KIRREL3: variants seen among roughly 807,000 people sequenced by gnomAD.
KIRREL3 encodes the protein kin of IRRE-like protein 3.
In KIRREL3, 36 loss-of-function variants were observed where a neutral mutation model predicts 89.7. The observed-to-expected ratio is 0.40, with a 90% confidence interval of 0.31 to 0.53. KIRREL3 has a LOEUF of 0.53. KIRREL3 is among the 20% of genes least tolerant of loss of function. The probability of loss-of-function intolerance (pLI) is 0.49; values close to 1 mark genes in which losing one functional copy is unlikely to be tolerated. For missense variants in KIRREL3, 864 were observed against 1,056.6 expected (o/e 0.82, Z 2.53); for synonymous variants, 445 against 441.4 (o/e 1.01, Z -0.10).
intron 8 of KIRREL3, among the ~76,000 whole-genome samples, chr11:126,447,125 C>A (rs1327872055): frequency 6.6e-6 from 1 of 152,122 alleles, no homozygotes; most frequent in Non-Finnish European, 1.5e-5. Flanking sequence ...CTCTTGGGCC[C>A]ATGGAGGTGG....
chr11:126,651,010 G>A lies in KIRREL3; in HGVS notation c.56-88098C>T, dbSNP rs146141704. 2.6e-5 allele frequency among the ~76,000 whole-genome samples: 4 copies of A among 152,162 alleles called. No individual in the cohort carries two copies. Among genetic ancestry groups the A allele is most frequent in the Non-Finnish European group, 5.9e-5 (4 of 68,032 alleles). ...GTGAAAATCCCTGATAAAACCATCA[G>A]ATCTCATGAGACACATTCACTTCCA... On this transcript the variant is annotated intron_variant, in intron 1 of 16. Coordinates refer to ENST00000525144, the MANE Select transcript of KIRREL3 (RefSeq NM_032531.4). This position sits in a 1 kb window ranked among gnomAD's most constrained non-coding sequence, Gnocchi z 4.6.
At chr11:126,679,906 C>T (rs1328953134) in intron 1 of KIRREL3, among the ~76,000 whole-genome samples, 3 of 152,172 alleles carry the variant, frequency 2.0e-5, no homozygotes, top group Non-Finnish European at 4.4e-5. Flanking sequence ...AGTTAAAAGA[C>T]CACCAGTCCG....
rs1958373500 is a variant in KIRREL3 at position 126,515,246 on chromosome 11, AC to A, written c.433+6068del. Among the ~76,000 whole-genome samples, 2 of 152,136 alleles carry A rather than the reference AC, an allele frequency of 1.3e-5. No homozygotes were observed. The highest frequency in any genetic ancestry group is 4.8e-5 in the African/African-American group (2 of 41,432). ...AGACAAGCATTAGCAACATGGCAAA[AC>A]CCGGTCTCTACAAAAACAAAACAGA... On this transcript the variant is annotated intron_variant, in intron 4 of 16. Transcript: ENST00000525144. This position sits in a 1 kb window ranked among gnomAD's most constrained non-coding sequence, Gnocchi z 4.2.
In KIRREL3 at chr11:126,965,542, C is replaced by G. The variant is rs188536732; in HGVS notation, c.55+34913G>C. On this transcript the variant is annotated intron_variant, in intron 1 of 16. Transcript: ENST00000525144. This position sits in a 1 kb window ranked among gnomAD's most constrained non-coding sequence, Gnocchi z 4.4. ...GGAACCCTATTGTGAAAGACTAACA[C>G]GTGCGTCATTGCCATTTGAATTCAC... Among the ~76,000 whole-genome samples the G allele has an allele frequency of 2.0e-4, 30 of 152,314 alleles. No homozygotes were observed. Among genetic ancestry groups the G allele is most frequent in the Admixed American group, 7.2e-4 (11 of 15,300 alleles).
chr11:126,492,057 C>A lies in KIRREL3; in HGVS notation c.434-18591G>T, dbSNP rs1339210397. 6.6e-6 allele frequency among the ~76,000 whole-genome samples: 1 copy of A among 152,152 alleles called. No individual in the cohort carries two copies. The highest frequency in any genetic ancestry group is 2.4e-5 in the African/African-American group (1 of 41,414). On this transcript the variant is annotated intron_variant, in intron 4 of 16. Transcript: ENST00000525144. The surrounding 1 kb of genome is among the most constrained non-coding windows in gnomAD (Gnocchi z 4.8). ...ATCTGGACTTTTATTGTCTCACTTC[C>A]CTTCAGTGAGCCAAAGGGCCCCATC...
rs373313544 is a variant in KIRREL3, at chr11:126,830,102, GA to G, written c.55+170352del. On this transcript the variant is annotated intron_variant, in intron 1 of 16. Coordinates refer to ENST00000525144, the MANE Select transcript of KIRREL3 (RefSeq NM_032531.4). The surrounding 1 kb of genome is among the most constrained non-coding windows in gnomAD (Gnocchi z 4.9). ...TTAAACCTTTGGTTGCCTTGCAAAA[GA>G]AAAAAAACCCATCCCCTTACTGCTG... Among the ~76,000 whole-genome samples, 2 of 151,752 alleles carry G rather than the reference GA, an allele frequency of 1.3e-5. No individual in the cohort carries two copies. The highest frequency in any genetic ancestry group is 2.1e-4 in the South Asian group (1 of 4,806).
At chr11:126,846,842 T>G (rs182184524) in intron 1 of KIRREL3, among the ~76,000 whole-genome samples, 1 of 152,280 alleles carries the variant, frequency 6.6e-6, no homozygotes, top group East Asian at 1.9e-4. Context: ...TTGAACAAAT[T>G]GTGAAAGATT....
In KIRREL3 at chr11:126,783,925, C is replaced by T. The variant is rs180997717; in HGVS notation, c.55+216530G>A. Among the ~76,000 whole-genome samples, 4 of 152,310 alleles carry T rather than the reference C, an allele frequency of 2.6e-5. No individual in the cohort carries two copies. The highest frequency in any genetic ancestry group is 1.3e-4 in the Admixed American group (2 of 15,300). ...TGATGTGCCATGTTGATAGCACACA[C>T]CCTTGATAGGATACGATGGAAACAG... On this transcript the variant is annotated intron_variant, in intron 1 of 16. Transcript: ENST00000525144. This position sits in a 1 kb window ranked among gnomAD's most constrained non-coding sequence, Gnocchi z 4.3.
rs1398260074 is a variant in KIRREL3 at position 126,651,153 on chromosome 11, G to A, written c.56-88241C>T. 6.6e-6 allele frequency among the ~76,000 whole-genome samples: 1 copy of A among 152,208 alleles called. No individual in the cohort carries two copies. Among genetic ancestry groups the A allele is most frequent in the South Asian group, 2.1e-4 (1 of 4,824 alleles). ...AAGATGATATGTGGGTGGGGACACA[G>A]CAAAACCATATCAGAAAAGAACTGC... On this transcript the variant is annotated intron_variant, in intron 1 of 16. Transcript: ENST00000525144. This position sits in a 1 kb window ranked among gnomAD's most constrained non-coding sequence, Gnocchi z 4.6.
chr11:126,491,761 G>C lies in KIRREL3; in HGVS notation c.434-18295C>G, dbSNP rs1957522294. 2.6e-5 allele frequency among the ~76,000 whole-genome samples: 4 copies of C among 152,008 alleles called. No homozygotes were observed. In the South Asian group the frequency reaches 8.3e-4, roughly 32 times the overall value. On this transcript the variant is annotated intron_variant, in intron 4 of 16. Coordinates refer to ENST00000525144, the MANE Select transcript of KIRREL3 (RefSeq NM_032531.4). This position sits in a 1 kb window ranked among gnomAD's most constrained non-coding sequence, Gnocchi z 5.5. ...CTGTCACCCAAGCTGGAGTTCAGTG[G>C]CATGATCTCGGCTCACTGCAACCTC...
chr11:126,628,659 A>G lies in KIRREL3; in HGVS notation c.56-65747T>C, dbSNP rs1158207291. On this transcript the variant is annotated intron_variant, in intron 1 of 16. Transcript: ENST00000525144. This position sits in a 1 kb window ranked among gnomAD's most constrained non-coding sequence, Gnocchi z 5.2. Reference sequence around the variant, plus strand: ...TCTGTTTCCTCTTTGTCCCCAGCAGAGAATAGAAACTGACTGTCATTCTCT... The same window carrying G: ...TCTGTTTCCTCTTTGTCCCCAGCAGGGAATAGAAACTGACTGTCATTCTCT... Among the ~76,000 whole-genome samples the G allele has an allele frequency of 6.6e-6, 1 of 152,184 alleles. No individual in the cohort carries two copies. Among genetic ancestry groups the G allele is most frequent in the Non-Finnish European group, 1.5e-5 (1 of 68,026 alleles).
chr11:126,795,878 T>G lies in KIRREL3; in HGVS notation c.55+204577A>C, dbSNP rs1383656271. ...GTAGATACCCCATGCCAGGCCAGCC[T>G]CCGTACTGCCAGGCTCGTCCTCACC... is the stretch of plus-strand genomic sequence containing the variant. On this transcript the variant is annotated intron_variant, in intron 1 of 16. Transcript: ENST00000525144. This position sits in a 1 kb window ranked among gnomAD's most constrained non-coding sequence, Gnocchi z 4.1. Among the ~76,000 whole-genome samples, 2 of 152,084 alleles carry G rather than the reference T, an allele frequency of 1.3e-5. No individual in the cohort carries two copies. Among genetic ancestry groups the G allele is most frequent in the Non-Finnish European group, 2.9e-5 (2 of 68,028 alleles).
rs1444899289 is a variant in KIRREL3, at chr11:126,669,419, T to C, written c.56-106507A>G. On this transcript the variant is annotated intron_variant, in intron 1 of 16. Coordinates refer to ENST00000525144, the MANE Select transcript of KIRREL3 (RefSeq NM_032531.4). This position sits in a 1 kb window ranked among gnomAD's most constrained non-coding sequence, Gnocchi z 5.0. ...TTCCCTATTTAATCCCATGTATTTT[T>C]AACCCACTAACATAATCCCCAATGT... 2.0e-5 allele frequency among the ~76,000 whole-genome samples: 3 copies of C among 152,260 alleles called. No homozygotes were observed.
In KIRREL3 at chr11:126,724,351, A is replaced by G. The variant is rs1948294025; in HGVS notation, c.56-161439T>C. Among the ~76,000 whole-genome samples, 1 of 152,210 alleles carries G rather than the reference A, an allele frequency of 6.6e-6. No homozygotes were observed. Among genetic ancestry groups the G allele is most frequent in the Non-Finnish European group, 1.5e-5 (1 of 68,044 alleles). On this transcript the variant is annotated intron_variant, in intron 1 of 16. Coordinates refer to ENST00000525144, the MANE Select transcript of KIRREL3 (RefSeq NM_032531.4). The surrounding 1 kb of genome is among the most constrained non-coding windows in gnomAD (Gnocchi z 4.3). ...CAGGCCCCAACTAGTACACACGCAG[A>G]TCCATGCACACCCACACACATGCAC...
rs1405271232 is a variant in KIRREL3, at chr11:126,459,656, A to G, written c.743-3202T>C. ...AGGGCAGCTTTGATGTAGCTGGTGG[A>G]ACTGAGATCACATTGAACAGATGTT... On this transcript the variant is annotated intron_variant, in intron 6 of 16. Transcript: ENST00000525144. The surrounding 1 kb of genome is among the most constrained non-coding windows in gnomAD (Gnocchi z 4.8). Among the ~76,000 whole-genome samples the G allele has an allele frequency of 6.6e-6, 1 of 152,210 alleles. No individual in the cohort carries two copies. The highest frequency in any genetic ancestry group is 2.4e-5 in the African/African-American group (1 of 41,450).
chr11:126,646,259 A>ATC (rs1377944114), intron 1 of KIRREL3, among the ~76,000 whole-genome samples: 4 of 152,072 alleles, frequency 2.6e-5, no homozygotes, highest in Non-Finnish European at 2.9e-5. Flanking sequence ...TTTAAAACAC[A>ATC]TCTTTGTTCT....
Position 126,490,495 on chromosome 11 carries a change from A to G in KIRREL3, c.434-17029T>C, listed in dbSNP as rs1179052760. Among the ~76,000 whole-genome samples, 1 of 151,980 alleles carries G rather than the reference A, an allele frequency of 6.6e-6. No individual in the cohort carries two copies. Among genetic ancestry groups the G allele is most frequent in the Non-Finnish European group, 1.5e-5 (1 of 67,972 alleles). ...TCAGAAATCCTGGGGGCTGAGATAC[A>G]ACCTCAGTGAACAAGCCACTGGGCC... On this transcript the variant is annotated intron_variant, in intron 4 of 16. Transcript: ENST00000525144. This position sits in a 1 kb window ranked among gnomAD's most constrained non-coding sequence, Gnocchi z 4.2.
Position 126,870,953 on chromosome 11 carries a change from C to T in KIRREL3, c.55+129502G>A, listed in dbSNP as rs186000362. On this transcript the variant is annotated intron_variant, in intron 1 of 16. Coordinates refer to ENST00000525144, the MANE Select transcript of KIRREL3 (RefSeq NM_032531.4). The surrounding 1 kb of genome is among the most constrained non-coding windows in gnomAD (Gnocchi z 4.4). Reference sequence around the variant, plus strand: ...AACTGTTCTACATGGCCACAACAGGCTTGGATCTCATTGCTCCAGAGAAGC... The same window carrying T: ...AACTGTTCTACATGGCCACAACAGGTTTGGATCTCATTGCTCCAGAGAAGC... Among the ~76,000 whole-genome samples, 11 of 152,298 alleles carry T rather than the reference C, an allele frequency of 7.2e-5. No individual in the cohort carries two copies. The East Asian group carries it at 1.5e-3, about 21-fold the overall frequency.
rs541001697 is a variant in KIRREL3 at position 126,595,555 on chromosome 11, C to T, written c.56-32643G>A. On this transcript the variant is annotated intron_variant, in intron 1 of 16. Transcript: ENST00000525144. ...TGAATTATCTCATTTAATTTCACAG[C>T]AACCGGTAAGGGATGCATTGTGAGC... Among the ~76,000 whole-genome samples, 64 of 152,360 alleles carry T rather than the reference C, an allele frequency of 4.2e-4. 1 individual carries two copies. In the South Asian group the frequency reaches 5.0e-3, roughly 12 times the overall value.
Sources: gnomAD v4.1 joint callset for allele counts (sites outside exome capture counted in the v4.1 genomes callset) on GRCh38, gnomAD v4.1.1 for gene constraint, Gnocchi (gnomAD v3.1) non-coding constraint, MANE v1.5 for transcripts, NCBI Gene and HGNC (gene_info 2026-07-23, HGNC 2026-07-21) for gene names.